The following TRPM1 variants were observed in gnomAD, a reference collection of about 807,000 sequenced individuals.
TRPM1 encodes the protein transient receptor potential cation channel subfamily M member 1, also known as TRPM1-203 APA Isoform, Intron 10.
A neutral mutation model predicts 149.4 loss-of-function variants in TRPM1; 113 were observed. The ratio of observed to expected loss-of-function variants is 0.76; its 90% CI spans 0.65 to 0.88. The LOEUF is 0.88. TRPM1 is among the 40% of genes least tolerant of loss of function. The probability of loss-of-function intolerance (pLI) is 0.00; values close to 1 mark genes in which losing one functional copy is unlikely to be tolerated. For synonymous variants in TRPM1, 741 were observed against 759.5 expected (o/e 0.98, Z 0.40); for missense variants, 1,976 against 2,038.7 (o/e 0.97, Z 0.59).
chr15:31,053,442 T>C (rs1338018185), intron 11 of TRPM1, among the ~76,000 whole-genome samples: 1 of 151,900 alleles, frequency 6.6e-6, no homozygotes, highest in Non-Finnish European at 1.5e-5. Context: ...TCTGTATTTT[T>C]AGTAGAGACG....
At chr15:31,061,371 G>A (rs1310576747) in intron 10 of TRPM1, 71 bp downstream of exon 10, 1 of 1,472,106 alleles carries the variant, frequency 6.8e-7, no homozygotes, top group Non-Finnish European at 9.5e-7. Context: ...GTCCATGGGA[G>A]GCCGGGAGGG....
intron 11 of TRPM1, among the ~76,000 whole-genome samples, chr15:31,053,899 G>A (rs1009572818): frequency 3.9e-5 from 6 of 152,202 alleles, no homozygotes; most frequent in Non-Finnish European, 8.8e-5. Flanking sequence ...ATATTATTCA[G>A]CCTTAAAAGG....
intron 1 of TRPM1, among the ~76,000 whole-genome samples, chr15:31,160,111 C>T (rs1377581913): frequency 1.3e-5 from 2 of 152,168 alleles, no homozygotes; most frequent in Admixed American, 6.5e-5. Context: ...CAGAGGCTTC[C>T]GGTGTGGTCT....
Position 31,038,144 on chromosome 15 carries a change from G to A in TRPM1, c.2339C>T (p.Pro780Leu). ...GLKVIMGILLPPTILFLEFRT... is the reference protein window; with the variant it reads ...GLKVIMGILLLPTILFLEFRT... Reference sequence around the variant, plus strand: ...AAATTCCAAAAACAAGATGGTGGGGGGTAGAAGAATCCCCATGATAACCTA... The same window carrying A: ...AAATTCCAAAAACAAGATGGTGGGGAGTAGAAGAATCCCCATGATAACCTA... Residue 780 changes from proline to leucine, a missense_variant, in exon 19 of 28, where the codon CCC becomes CTC. Around this residue, in one of 3 missense-constraint regions of TRPM1, gnomAD observed 1,332 missense variants for 1,347.1 expected, o/e 0.99. Coordinates refer to ENST00000256552, the MANE Select transcript of TRPM1 (RefSeq NM_001252024.2). 1 of 1,613,922 alleles carries A rather than the reference G, an allele frequency of 6.2e-7. No individual in the cohort carries two copies. Among genetic ancestry groups the A allele is most frequent in the Non-Finnish European group, 8.5e-7 (1 of 1,179,920 alleles).
At chr15:31,033,410 G>A (rs1321323924) in intron 21 of TRPM1, among the ~76,000 whole-genome samples, 1 of 152,218 alleles carries the variant, frequency 6.6e-6, no homozygotes, top group Non-Finnish European at 1.5e-5. Flanking sequence ...GAAATTAGGG[G>A]AAAGTTAGAC....
chr15:31,027,144 T>C (rs369473749), intron 25 of TRPM1, 27 bp from the exon 26 acceptor site: 94 of 1,601,806 alleles, frequency 5.9e-5, no homozygotes, highest in Admixed American at 1.7e-5. Context: ...TTTTTACAGT[T>C]AGTTATATTA....
intron 16 of TRPM1, 108 bp from the exon 17 acceptor site, chr15:31,042,351 CTTCT>C: frequency 8.7e-7 from 1 of 1,144,116 alleles, no homozygotes; most frequent in South Asian, 1.4e-5. Context: ...AATAAAGAGA[CTTCT>C]GAAGTACATC....
chr15:31,006,287 C>T (rs112574238), intron 27 of TRPM1, among the ~76,000 whole-genome samples: 3,705 of 152,236 alleles, frequency 0.024, 68 homozygotes, highest in Non-Finnish European at 0.037. Flanking sequence ...AAGCGATTCT[C>T]CTGCCTCAGC....
intron 2 of TRPM1, among the ~76,000 whole-genome samples, chr15:31,080,727 A>T (rs1469923451): frequency 1.3e-5 from 1 of 78,138 alleles, no homozygotes; most frequent in Non-Finnish European, 2.6e-5. Flanking sequence ...CCCCGCCCCC[A>T]GCCCCGCTCC....
intron 1 of TRPM1, among the ~76,000 whole-genome samples, chr15:31,098,752 G>A (rs1207577540): frequency 6.6e-6 from 1 of 152,048 alleles, no homozygotes; most frequent in African/African-American, 2.4e-5. Context: ...TACCCACCCT[G>A]GGGGAGCAGA....
intron 1 of TRPM1, among the ~76,000 whole-genome samples, chr15:31,129,246 G>T (rs755798045): frequency 1.3e-5 from 2 of 152,210 alleles, no homozygotes; most frequent in Non-Finnish European, 2.9e-5. Context: ...ACTAGACATG[G>T]CAGGTGATCC....
chr15:31,040,917 C>T lies in TRPM1; in HGVS notation c.2088-571G>A, dbSNP rs2033594408. ...TGTATGCCTTTCTCTGCCCGTGTAACACTTCACCATCACAGTGATTACAGA... is the reference window on the plus strand; with the variant it reads ...TGTATGCCTTTCTCTGCCCGTGTAATACTTCACCATCACAGTGATTACAGA... On this transcript the variant is annotated intron_variant, in intron 17 of 27. Transcript: ENST00000256552. This position sits in a 1 kb window ranked among gnomAD's most constrained non-coding sequence, Gnocchi z 4.2. Among the ~76,000 whole-genome samples the T allele has an allele frequency of 6.6e-6, 1 of 152,164 alleles. No homozygotes were observed. Among genetic ancestry groups the T allele is most frequent in the Non-Finnish European group, 1.5e-5 (1 of 68,040 alleles).
Position 31,040,312 on chromosome 15 carries a change from G to A in TRPM1, c.2122C>T (p.Gln708Ter). The A allele has an allele frequency of 6.2e-7, 1 of 1,614,182 alleles. No individual in the cohort carries two copies. Among genetic ancestry groups the A allele is most frequent in the South Asian group, 1.1e-5 (1 of 91,076 alleles). Reference sequence around the variant, plus strand: ...ATCTGCTCGTCATGCTTATAGGACTGGTCTAATAACTCCAAAGCAAGCTGG... The same window carrying A: ...ATCTGCTCGTCATGCTTATAGGACTAGTCTAATAACTCCAAAGCAAGCTGG... ...FGQLALELLD[Q>*]SYKHDEQIAM... Residue 708 changes from glutamine (Q) to a stop codon, truncating the protein, a stop_gained, in exon 18 of 28, where the codon CAG becomes TAG. Transcript: ENST00000256552. LOFTEE classifies it high-confidence loss of function. This position sits in a 1 kb window ranked among gnomAD's most constrained non-coding sequence, Gnocchi z 4.2.
chr15:31,002,363 A>T lies in TRPM1; in HGVS notation c.4337T>A (p.Phe1446Tyr), dbSNP rs781295423. Reference protein sequence around the residue: ...PLEETKITRYFPDETINACKT... With the variant: ...PLEETKITRYYPDETINACKT... ...ACAAGCATTGATCGTTTCATCGGGG[A>T]AATAGCGTGTAATTTTGGTTTCTTC... Residue 1446 changes from phenylalanine (F) to tyrosine (Y), a missense_variant, in exon 28 of 28, where the codon TTC becomes TAC. Transcript: ENST00000256552. The T allele has an allele frequency of 1.7e-5, 27 of 1,614,062 alleles. No homozygotes were observed. In the East Asian group the frequency reaches 6.0e-4, roughly 36 times the overall value.
In TRPM1 at chr15:31,067,170, C is replaced by G; in HGVS notation, c.511G>C (p.Gly171Arg). Residue 171 changes from glycine to arginine, a missense_variant, in exon 6 of 28, where the codon GGG becomes CGG. Physicochemically the swap from Gly to Arg is moderately radical, Grantham distance 125. This residue lies in a region of TRPM1 where 1,332 missense variants were observed against 1,347.1 expected (regional missense o/e 0.99). Transcript: ENST00000256552. ...GAGGAGTGGTCTTTCAAGGCATCCC[C>G]TACGTGGCTGATAACACCTGTGAGC... ...GVSTGVISHV[G>R]DALKDHSSKS... 6.2e-7 allele frequency: 1 copy of G among 1,614,150 alleles called. No homozygotes were observed. Among genetic ancestry groups the G allele is most frequent in the Non-Finnish European group, 8.5e-7 (1 of 1,180,018 alleles).
chr15:31,049,372 C>CA lies in TRPM1; in HGVS notation c.1572+2dup. The CA allele has an allele frequency of 6.2e-7, 1 of 1,614,182 alleles. No individual in the cohort carries two copies. Among genetic ancestry groups the CA allele is most frequent in the Non-Finnish European group, 8.5e-7 (1 of 1,180,030 alleles). The stretch of plus-strand genomic sequence containing the variant: ...CTTCCTTCCCTTTTTCTAGAGCACT[C>CA]ACTGTGTTATAAAGCTCCTCCAGCC... On this transcript the variant is annotated splice_region_variant and intron_variant, in intron 13 of 27. Transcript: ENST00000256552.
intron 1 of TRPM1, among the ~76,000 whole-genome samples, chr15:31,088,245 T>C (rs1332813660): frequency 6.6e-6 from 1 of 152,168 alleles, no homozygotes; most frequent in Non-Finnish European, 1.5e-5. Flanking sequence ...CTCTGTAAAA[T>C]GGACCAATCA....
At chr15:31,073,104 C>T (rs1200362485) in intron 3 of TRPM1, among the ~76,000 whole-genome samples, 2 of 152,062 alleles carry the variant, frequency 1.3e-5, no homozygotes, top group Non-Finnish European at 1.5e-5. Context: ...TCATGATTTA[C>T]CCTTACATTT....
intron 9 of TRPM1, among the ~76,000 whole-genome samples, chr15:31,062,188 G>A (rs145130815): frequency 7.2e-4 from 110 of 152,310 alleles, no homozygotes; most frequent in African/African-American, 2.5e-3. Context: ...TTATGTGCAC[G>A]ACAAGAGTAC....
Sources: gnomAD v4.1 joint callset for allele counts (sites outside exome capture counted in the v4.1 genomes callset) on GRCh38, gnomAD v4.1.1 for gene constraint, gnomAD v4.1.1 regional missense constraint, Gnocchi (gnomAD v3.1) non-coding constraint, MANE v1.5 for transcripts, NCBI Gene and HGNC (gene_info 2026-07-23, HGNC 2026-07-21) for gene names.